Variants in MAP2 observed in about 807,000 individuals in gnomAD.
MAP2 encodes microtubule-associated protein 2.
In MAP2, 14 loss-of-function variants were observed where a neutral mutation model predicts 137.6. The observed-to-expected ratio is 0.10, with a 90% CI of 0.07 to 0.16. The LOEUF is 0.16. Among genes scored for constraint, MAP2 ranks in the 10% least tolerant of loss-of-function variants. The pLI is 1.00. For synonymous variants in MAP2, 786 were observed against 782.3 expected (o/e 1.00, Z -0.08); for missense variants, 2,088 against 2,191.5 (o/e 0.95, Z 0.94).
At chr2:209,502,879 GTCT>G (rs2060554466) in intron 1 of MAP2, among the ~76,000 whole-genome samples, 1 of 151,830 alleles carries the variant, frequency 6.6e-6, no homozygotes, top group African/African-American at 2.4e-5. Context: ...CCATTGTCAT[GTCT>G]TCTTTGGAAA....
chr2:209,585,963 C>T (rs60497472), intron 3 of MAP2, among the ~76,000 whole-genome samples: 1 of 151,874 alleles, frequency 6.6e-6, no homozygotes, highest in Non-Finnish European at 1.5e-5. Flanking sequence ...TTCTATTATA[C>T]CCACTTTACT....
chr2:209,534,687 A>G (rs1429260167), intron 2 of MAP2, among the ~76,000 whole-genome samples: 4 of 152,218 alleles, frequency 2.6e-5, no homozygotes, highest in African/African-American at 2.4e-5. Context: ...ATTCACATAG[A>G]ACATAGAATT....
chr2:209,717,254 A>G (rs1183528347), intron 13 of MAP2, among the ~76,000 whole-genome samples: 1 of 152,098 alleles, frequency 6.6e-6, no homozygotes, highest in Non-Finnish European at 1.5e-5. Context: ...CAGAATAGGA[A>G]CTTTCACTCT....
At chr2:209,548,629 A>T (rs2068552929) in intron 2 of MAP2, among the ~76,000 whole-genome samples, 1 of 152,148 alleles carries the variant, frequency 6.6e-6, no homozygotes, top group South Asian at 2.1e-4. Flanking sequence ...CCTACCCAAA[A>T]TCTCATCTTG....
intron 2 of MAP2, among the ~76,000 whole-genome samples, chr2:209,525,055 G>A (rs975608095): frequency 3.9e-5 from 6 of 151,936 alleles, no homozygotes; most frequent in African/African-American, 1.2e-4. Flanking sequence ...GAGATGAGCC[G>A]TATTATTTTT....
intron 10 of MAP2, among the ~76,000 whole-genome samples, chr2:209,699,832 G>T (rs963570755): frequency 6.6e-6 from 1 of 152,192 alleles, no homozygotes; most frequent in African/African-American, 2.4e-5. Context: ...GGTTATGCCA[G>T]TGGCTTCCAG....
intron 14 of MAP2, among the ~76,000 whole-genome samples, chr2:209,726,853 A>T (rs2074252103): frequency 6.6e-6 from 1 of 152,216 alleles, no homozygotes; most frequent in Non-Finnish European, 1.5e-5. Context: ...CAATTCATTT[A>T]TCCCTTTGAG....
chr2:209,609,470 A>G lies in MAP2; in HGVS notation c.-106-15583A>G, dbSNP rs963770752. On this transcript the variant is annotated intron_variant, in intron 3 of 15. Coordinates refer to ENST00000682079, the MANE Select transcript of MAP2 (RefSeq NM_001375505.1). ...TTTTAGAAGGTTTTTATCACCCCCAATGGAAACCCATCAGCAGTCACTCAA... is the reference window on the plus strand; with the variant it reads ...TTTTAGAAGGTTTTTATCACCCCCAGTGGAAACCCATCAGCAGTCACTCAA... Among the ~76,000 whole-genome samples, 9 of 152,236 alleles carry G rather than the reference A, an allele frequency of 5.9e-5. No homozygotes were observed. In the South Asian group the frequency reaches 1.0e-3, roughly 18 times the overall value.
chr2:209,516,792 G>A (rs558865995), intron 2 of MAP2, among the ~76,000 whole-genome samples: 12 of 151,992 alleles, frequency 7.9e-5, no homozygotes, highest in Non-Finnish European at 1.6e-4. Context: ...GGTATCCCTT[G>A]GGGTTTTCTA....
chr2:209,590,405 G>A (rs766037902), intron 3 of MAP2, among the ~76,000 whole-genome samples: 18 of 151,906 alleles, frequency 1.2e-4, no homozygotes, highest in African/African-American at 1.5e-4. Flanking sequence ...GTGCAATCTC[G>A]GCTCACCGCA....
At chr2:209,691,704 G>A (rs534275283) in intron 7 of MAP2, among the ~76,000 whole-genome samples, 4 of 152,286 alleles carry the variant, frequency 2.6e-5, no homozygotes, top group African/African-American at 7.2e-5. Context: ...TTTCTGTGAA[G>A]CACCTCTAAA....
intron 3 of MAP2, among the ~76,000 whole-genome samples, chr2:209,603,232 C>G (rs1293912528): frequency 1.3e-5 from 2 of 152,060 alleles, no homozygotes; most frequent in Non-Finnish European, 2.9e-5. Context: ...TTATTTAGAA[C>G]TAAATTACAC....
chr2:209,601,106 T>A (rs1052165144), intron 3 of MAP2, among the ~76,000 whole-genome samples: 1 of 152,188 alleles, frequency 6.6e-6, no homozygotes, highest in African/African-American at 2.4e-5. Flanking sequence ...GAAGAATGGT[T>A]GCCATATTGA....
intron 1 of MAP2, among the ~76,000 whole-genome samples, chr2:209,493,218 G>A (rs769904667): frequency 2.0e-5 from 3 of 152,114 alleles, no homozygotes; most frequent in Non-Finnish European, 4.4e-5. Context: ...GGGAAAACTC[G>A]CTAGCCATAT....
chr2:209,695,299 G>T lies in MAP2; in HGVS notation c.3129G>T (p.Gln1043His). The T allele has an allele frequency of 6.2e-7, 1 of 1,613,994 alleles. No individual in the cohort carries two copies. The highest frequency in any genetic ancestry group is 8.5e-7 in the Non-Finnish European group (1 of 1,179,990). ...AACAAGGTCTGGATTTTGCTGTCCA[G>T]GGTCAACTAGATGTTAAAATTAGTG... ...KVEQGLDFAVQGQLDVKISDF... is the reference protein window; with the variant it reads ...KVEQGLDFAVHGQLDVKISDF... Residue 1043 changes from glutamine to histidine, a missense_variant, in exon 8 of 16, where the codon CAG becomes CAT. By Grantham distance (24) the Gln-to-His change is conservative (BLOSUM62 0). Coordinates refer to ENST00000682079, the MANE Select transcript of MAP2 (RefSeq NM_001375505.1).
At chr2:209,661,968 G>C (rs552968534) in intron 5 of MAP2, among the ~76,000 whole-genome samples, 1 of 152,266 alleles carries the variant, frequency 6.6e-6, no homozygotes, top group Admixed American at 6.5e-5. Flanking sequence ...ACAGCTATAA[G>C]GTAGTTTGTC....
intron 2 of MAP2, among the ~76,000 whole-genome samples, chr2:209,530,395 T>C (rs1049758777): frequency 3.3e-5 from 5 of 152,180 alleles, no homozygotes; most frequent in Non-Finnish European, 5.9e-5. Context: ...AAGGAGAGAA[T>C]TGATAATGAA....
chr2:209,688,487 T>C (rs1166722023), intron 7 of MAP2, among the ~76,000 whole-genome samples: 1 of 152,194 alleles, frequency 6.6e-6, no homozygotes, highest in Admixed American at 6.5e-5. Context: ...GCAGAATAAA[T>C]GTTATGGAAA....
At chr2:209,508,194 G>A (rs12993506) in intron 2 of MAP2, among the ~76,000 whole-genome samples, 8,773 of 151,704 alleles carry the variant, frequency 0.058, 285 homozygotes, top group South Asian at 0.093. Flanking sequence ...GTTTAGAGTA[G>A]TAACAGAACC....
Sources: gnomAD v4.1 joint callset for allele counts (sites outside exome capture counted in the v4.1 genomes callset) on GRCh38, gnomAD v4.1.1 for gene constraint, MANE v1.5 for transcripts, NCBI Gene and HGNC (gene_info 2026-07-23, HGNC 2026-07-21) for gene names.